Variants in GABBR2 observed in about 807,000 individuals in gnomAD.
GABBR2 encodes the protein gamma-aminobutyric acid type B receptor subunit 2.
GABBR2 carries 23 observed loss-of-function variants against 105.6 expected under a neutral mutation model. That is an observed-to-expected ratio of 0.22 (90% CI 0.16 to 0.31). The LOEUF is 0.31. GABBR2 is among the 10% of genes least tolerant of loss of function. The probability of loss-of-function intolerance (pLI) is 1.00; values close to 1 mark genes in which losing one functional copy is unlikely to be tolerated. For synonymous variants in GABBR2, 478 were observed against 499.7 expected, an observed-to-expected ratio of 0.96 and a Z score of 0.58; for missense variants, 734 against 1,245.5, an observed-to-expected ratio of 0.59 and a Z score of 6.18.
chr9:98,666,754 G>T (rs1284211665), intron 1 of GABBR2, among the ~76,000 whole-genome samples: 1 of 152,200 alleles, frequency 6.6e-6, no homozygotes, highest in African/African-American at 2.4e-5. Flanking sequence ...CTGAGCAACA[G>T]AGAGGGAAGG....
chr9:98,399,701 G>T (rs1832356326), intron 8 of GABBR2, among the ~76,000 whole-genome samples: 1 of 150,396 alleles, frequency 6.6e-6, no homozygotes, highest in African/African-American at 2.5e-5. Context: ...AACCAAAAGG[G>T]TTTATCTACA....
At chr9:98,644,710 C>T (rs116365964) in intron 1 of GABBR2, among the ~76,000 whole-genome samples, 2,700 of 152,116 alleles carry the variant, frequency 0.018, 81 homozygotes, top group African/African-American at 0.061. Context: ...GGCATAGTGG[C>T]AGCCACAGCT....
chr9:98,648,048 T>C (rs1204694283), intron 1 of GABBR2, among the ~76,000 whole-genome samples: 1 of 148,422 alleles, frequency 6.7e-6, no homozygotes, highest in Non-Finnish European at 1.5e-5. Context: ...CTTCATTAAG[T>C]CCCCTTCCCC....
rs1828420575 is a variant in GABBR2 at position 98,547,346 on chromosome 9, T to C, written c.460-5303A>G. 1.7e-5 allele frequency among the ~76,000 whole-genome samples: 2 copies of C among 116,666 alleles called. 1 individual carries two copies. Among genetic ancestry groups the C allele is most frequent in the Non-Finnish European group, 3.8e-5 (2 of 53,112 alleles). The allele number at this position is 116,666 out of a possible 152,430, so 76.5% of individuals were successfully genotyped here. On this transcript the variant is annotated intron_variant, in intron 2 of 18. Transcript: ENST00000259455. ...ATATTTTTATAATATATTTAACATATTTATTACATATACATTTATAATATT... is the reference window on the plus strand; with the variant it reads ...ATATTTTTATAATATATTTAACATACTTATTACATATACATTTATAATATT...
chr9:98,644,333 G>A (rs182547693), intron 1 of GABBR2, among the ~76,000 whole-genome samples: 2 of 152,364 alleles, frequency 1.3e-5, no homozygotes, highest in East Asian at 3.9e-4. Flanking sequence ...ATAAGACAGT[G>A]GGAAAGGAGT....
chr9:98,685,945 T>C (rs1351406988), intron 1 of GABBR2, among the ~76,000 whole-genome samples: 2 of 152,140 alleles, frequency 1.3e-5, no homozygotes, highest in Admixed American at 6.5e-5. Flanking sequence ...CGCCTTGGCC[T>C]CACAAAGTAT....
At chr9:98,325,579 A>C (rs1036751338) in intron 13 of GABBR2, among the ~76,000 whole-genome samples, 11 of 152,136 alleles carry the variant, frequency 7.2e-5, no homozygotes, top group Non-Finnish European at 1.0e-4. Flanking sequence ...GGCATGAGCC[A>C]CTGCACCTGG....
At chr9:98,463,138 G>A (rs779679777) in intron 6 of GABBR2, among the ~76,000 whole-genome samples, 1 of 152,092 alleles carries the variant, frequency 6.6e-6, no homozygotes, top group Non-Finnish European at 1.5e-5. Flanking sequence ...ATTCACCTGC[G>A]TCAGCCTCCC....
chr9:98,452,334 G>T (rs2131601164), intron 7 of GABBR2, among the ~76,000 whole-genome samples: 1 of 152,330 alleles, frequency 6.6e-6, no homozygotes, highest in East Asian at 1.9e-4. Context: ...GTATTCTTCA[G>T]ATGAATTTTC....
intron 6 of GABBR2, among the ~76,000 whole-genome samples, chr9:98,460,297 T>C (rs1826400935): frequency 6.6e-6 from 1 of 152,004 alleles, no homozygotes; most frequent in Non-Finnish European, 1.5e-5. Flanking sequence ...GCAAGAGAAT[T>C]GCTTGAACCT....
At chr9:98,444,040 G>A (rs1255865843) in intron 7 of GABBR2, among the ~76,000 whole-genome samples, 1 of 152,314 alleles carries the variant, frequency 6.6e-6, no homozygotes, top group East Asian at 1.9e-4. Context: ...TGGTAGCCTT[G>A]CATAAACTCT....
chr9:98,288,267 T>G lies in GABBR2; in HGVS notation c.*2317A>C, dbSNP rs1196429037. 1 of 152,604 alleles carries G rather than the reference T, an allele frequency of 6.6e-6. No individual in the cohort carries two copies. Among genetic ancestry groups the G allele is most frequent in the Non-Finnish European group, 1.5e-5 (1 of 68,042 alleles). 9.5% of individuals were successfully genotyped at this position (152,604 alleles called of 1,614,324 possible). On this transcript the variant is annotated 3_prime_UTR_variant, in exon 19 of 19. Coordinates refer to ENST00000259455, the MANE Select transcript of GABBR2 (RefSeq NM_005458.8). ...AAAATGCCTTCAGGCCGAAGCCTCT[T>G]CAGAAATGGACGGTGTGTTTGCTGC...
chr9:98,306,224 A>G lies in GABBR2; in HGVS notation c.2126T>C (p.Val709Ala). Residue 709 changes from valine to alanine, a missense_variant, in exon 15 of 19, where the codon GTC becomes GCC. Val to Ala is a moderately conservative substitution (Grantham distance 64, BLOSUM62 0). Coordinates refer to ENST00000259455, the MANE Select transcript of GABBR2 (RefSeq NM_005458.8). The surrounding 1 kb of genome is among the most constrained non-coding windows in gnomAD (Gnocchi z 5.4). ...GGGCTGGTCCCGGGTCAGGAAGGAGACAGCGGCCCCGATGATGCACATGAT... is the reference window on the plus strand; with the variant it reads ...GGGCTGGTCCCGGGTCAGGAAGGAGGCAGCGGCCCCGATGATGCACATGAT... ...VGIMCIIGAA[V>A]SFLTRDQPNV... 6.2e-7 allele frequency: 1 copy of G among 1,614,108 alleles called. No individual in the cohort carries two copies. Among genetic ancestry groups the G allele is most frequent in the Non-Finnish European group, 8.5e-7 (1 of 1,180,010 alleles).
chr9:98,501,133 C>A (rs1332566159), intron 3 of GABBR2, among the ~76,000 whole-genome samples: 1 of 144,420 alleles, frequency 6.9e-6, no homozygotes, highest in Non-Finnish European at 1.5e-5. Context: ...CTGCCCCCCC[C>A]CCTTCCCCGC....
chr9:98,607,544 A>C, intron 1 of GABBR2: 2 of 635,384 alleles, frequency 3.1e-6, no homozygotes, highest in Admixed American at 5.6e-5. Flanking sequence ...AAAAAGATAA[A>C]GGACCATTTA....
At chr9:98,496,578 G>C in intron 3 of GABBR2, 64 bp from the exon 4 acceptor site, 1 of 1,059,816 alleles carries the variant, frequency 9.4e-7, no homozygotes. Flanking sequence ...CAGTTCCGAG[G>C]GGTCACCCTG....
intron 3 of GABBR2, among the ~76,000 whole-genome samples, chr9:98,526,249 A>C (rs1827958588): frequency 6.6e-6 from 1 of 152,008 alleles, no homozygotes; most frequent in South Asian, 2.1e-4. Context: ...TCCTAAAAGA[A>C]CCACAGATCT....
intron 17 of GABBR2, 84 bp from the exon 18 acceptor site, chr9:98,293,986 C>A (rs746057826): frequency 7.8e-5 from 64 of 820,684 alleles, no homozygotes; most frequent in Middle Eastern, 6.8e-4. Context: ...TAGGATGATG[C>A]CCCAAGAGAC....
At chr9:98,303,168 G>T in intron 16 of GABBR2, 73 bp downstream of exon 16, 1 of 1,264,710 alleles carries the variant, frequency 7.9e-7, no homozygotes, top group Non-Finnish European at 1.1e-6. Flanking sequence ...AGAGGAGCCT[G>T]AGAGTCCCCG....
Sources: allele counts gnomAD v4.1 joint callset (sites outside exome capture counted in the v4.1 genomes callset), GRCh38; gene constraint gnomAD v4.1.1; non-coding constraint Gnocchi (gnomAD v3.1); transcripts MANE v1.5; gene names NCBI Gene and HGNC (gene_info 2026-07-23, HGNC 2026-07-21).